Variants in CSRNP1 observed in about 807,000 individuals in gnomAD.
CSRNP1 encodes cysteine/serine-rich nuclear protein 1.
In CSRNP1, 8 loss-of-function variants were observed where a neutral mutation model predicts 25.0. That is an observed-to-expected ratio of 0.32 (90% CI 0.19 to 0.58). The LOEUF is 0.58. Among genes scored for constraint, CSRNP1 ranks in the 20% least tolerant of loss-of-function variants. The probability of loss-of-function intolerance (pLI) is 0.88; values close to 1 mark genes in which losing one functional copy is unlikely to be tolerated. For synonymous variants in CSRNP1, 305 were observed against 303.1 expected (o/e 1.01, Z -0.06); for missense variants, 691 against 773.1 (o/e 0.89, Z 1.26).
chr3:39,154,069 C>A (rs1352238674), upstream of CSRNP1: 7 of 152,096 alleles, frequency 4.6e-5, no homozygotes, highest in African/African-American at 1.7e-4. Context: ...AAAGTTCCCC[C>A]CTCCGCCCCC....
rs1016927949 is a variant in CSRNP1 at position 39,144,846 on chromosome 3, G to A, written c.465+151C>T. 6.2e-6 allele frequency: 6 copies of A among 964,850 alleles called. No individual in the cohort carries two copies. The African/African-American group carries it at 9.9e-5, about 16-fold the overall frequency. 59.8% of individuals were successfully genotyped at this position (964,850 alleles called of 1,614,324 possible). On this transcript the variant is annotated intron_variant, in intron 3 of 4. Coordinates refer to ENST00000273153, the MANE Select transcript of CSRNP1 (RefSeq NM_033027.4). The stretch of plus-strand genomic sequence containing the variant: ...CCTGTTGCAGACAACCCAGGCAACA[G>A]GCTCCAATCAAGCCAATCACCAGGC...
chr3:39,142,929 G>T lies in CSRNP1; in HGVS notation c.*126C>A. ...ATCCAGAGAATTGTTTGAAAACCAGGAGTGTGCACATGGCACCTGTGGGTG... is the reference window on the plus strand; with the variant it reads ...ATCCAGAGAATTGTTTGAAAACCAGTAGTGTGCACATGGCACCTGTGGGTG... On this transcript the variant is annotated 3_prime_UTR_variant, in exon 5 of 5. Coordinates refer to ENST00000273153, the MANE Select transcript of CSRNP1 (RefSeq NM_033027.4). The T allele has an allele frequency of 9.7e-7, 1 of 1,028,276 alleles. No individual in the cohort carries two copies. 63.7% of individuals were successfully genotyped at this position (1,028,276 alleles called of 1,614,324 possible).
chr3:39,153,478 C>A lies in CSRNP1; in HGVS notation c.-81G>T. On this transcript the variant is annotated 5_prime_UTR_variant, in exon 1 of 5. Transcript: ENST00000273153. ...TCGCGGAGGACAACGACGCGACCCGCGTCCCGGCCGGGGACGCCCCCTGCG... is the reference window on the plus strand; with the variant it reads ...TCGCGGAGGACAACGACGCGACCCGAGTCCCGGCCGGGGACGCCCCCTGCG... The A allele has an allele frequency of 3.1e-6, 1 of 318,114 alleles. No individual in the cohort carries two copies. Among genetic ancestry groups the A allele is most frequent in the Non-Finnish European group, 6.6e-6 (1 of 151,248 alleles). 19.7% of individuals were successfully genotyped at this position (318,114 alleles called of 1,614,324 possible). A position where few individuals can be genotyped will look rare whatever the true frequency, so the allele number is the denominator to read the frequency against.
In CSRNP1 at chr3:39,143,113, A is replaced by G. The variant is rs2039436475; in HGVS notation, c.1712T>C (p.Ile571Thr). 1 of 1,612,426 alleles carries G rather than the reference A, an allele frequency of 6.2e-7. No individual in the cohort carries two copies. The highest frequency in any genetic ancestry group is 1.3e-5 in the African/African-American group (1 of 75,008). Reference sequence around the variant, plus strand: ...GACAGTGTCCTCAAACTGGCTGTCAATAAAGGGATCTAGGGCTTCGGCGGC... The same window carrying G: ...GACAGTGTCCTCAAACTGGCTGTCAGTAAAGGGATCTAGGGCTTCGGCGGC... The part of the protein sequence containing the change: ...EPAAEALDPF[I>T]DSQFEDTVPA... Residue 571 changes from isoleucine (I) to threonine (T), a missense_variant, in exon 5 of 5, where the codon ATT becomes ACT. Physicochemically the swap from Ile to Thr is moderately conservative, Grantham distance 89. Transcript: ENST00000273153.
In CSRNP1 at chr3:39,144,470, G is replaced by A. The variant is rs2039476858; in HGVS notation, c.466-19C>T. On this transcript the variant is annotated intron_variant, in intron 3 of 4. Transcript: ENST00000273153. The stretch of plus-strand genomic sequence containing the variant: ...CCGAAAGCTGCATCCACAGGAAAGA[G>A]GGATGTAAGAAGCACAGACATGGAC... 6.3e-7 allele frequency: 1 copy of A among 1,584,642 alleles called. No homozygotes were observed. Among genetic ancestry groups the A allele is most frequent in the Admixed American group, 1.7e-5 (1 of 59,218 alleles).
Position 39,145,279 on chromosome 3 carries a change from C to G in CSRNP1, c.206-23G>C, listed in dbSNP as rs6763708. 209 of 1,543,582 alleles carry G rather than the reference C, an allele frequency of 1.4e-4. No homozygotes were observed. The African/African-American group carries it at 2.6e-3, about 19-fold the overall frequency. ...GGGCTAGAAAGCAGGCAAAGATGGG[C>G]TGGGGATTAGTTTTCAGTGAGGCAC... On this transcript the variant is annotated intron_variant, in intron 2 of 4. Transcript: ENST00000273153.
intron 1 of CSRNP1, chr3:39,148,569 A>G (rs1372711260): frequency 6.6e-6 from 1 of 152,248 alleles, no homozygotes; most frequent in African/African-American, 2.4e-5. Context: ...CCCTAGAAAC[A>G]TAAAATTCTG....
In CSRNP1 at chr3:39,143,761, G is replaced by C. The variant is rs1265818015; in HGVS notation, c.1064C>G (p.Ser355Cys). Reference protein sequence around the residue: ...DNSCSSDMTDSSTASSSASGT... With the variant: ...DNSCSSDMTDCSTASSSASGT... ...CGATGCTGATGAAGATGCTGTAGAA[G>C]AATCAGTCATGTCGCTGCTGCAGCT... Residue 355 changes from serine to cysteine, a missense_variant, in exon 5 of 5, where the codon TCT (serine) becomes TGT (cysteine). Coordinates refer to ENST00000273153, the MANE Select transcript of CSRNP1 (RefSeq NM_033027.4). 12 of 1,614,126 alleles carry C rather than the reference G, an allele frequency of 7.4e-6. No homozygotes were observed. Among genetic ancestry groups the C allele is most frequent in the Admixed American group, 1.7e-5 (1 of 60,014 alleles).
At chr3:39,149,752 C>G (rs1175049427) in intron 1 of CSRNP1, 1 of 152,354 alleles carries the variant, frequency 6.6e-6, no homozygotes, top group Non-Finnish European at 1.5e-5. Context: ...TGGCAGTTCC[C>G]GTAATGGCCA....
chr3:39,146,477 C>T lies in CSRNP1; in HGVS notation c.205+1G>A, dbSNP rs62622811. On this transcript the variant is annotated splice_donor_variant, in intron 2 of 4. Coordinates refer to ENST00000273153, the MANE Select transcript of CSRNP1 (RefSeq NM_033027.4). LOFTEE classifies it high-confidence loss of function. ...GAGTTCCCAGGGGAGGGAGTACTCA[C>T]GGGTGAAACTTCTGGGGCCGCAGAA... 3 of 1,537,362 alleles carry T rather than the reference C, an allele frequency of 2.0e-6. No homozygotes were observed. The highest frequency in any genetic ancestry group is 2.6e-6 in the Non-Finnish European group (3 of 1,139,314).
At chr3:39,144,565 T>C in intron 3 of CSRNP1, 114 bp from the exon 4 acceptor site, 1 of 1,032,716 alleles carries the variant, frequency 9.7e-7, no homozygotes, top group Non-Finnish European at 1.4e-6. Context: ...TCGTGCTTAA[T>C]CTGCGATGGG....
At position 39,143,132 on chromosome 3, in the gene CSRNP1, C is replaced by T. The variant is rs1195460382; in HGVS notation, c.1693G>A (p.Glu565Lys). The T allele has an allele frequency of 1.2e-5, 20 of 1,613,816 alleles. No individual in the cohort carries two copies. The highest frequency in any genetic ancestry group is 1.6e-4 in the Middle Eastern group (1 of 6,082). Residue 565 changes from glutamate (E) to lysine (K), a missense_variant, in exon 5 of 5, where the codon GAA becomes AAA. Coordinates refer to ENST00000273153, the MANE Select transcript of CSRNP1 (RefSeq NM_033027.4). ...CTGTCAATAAAGGGATCTAGGGCTT[C>T]GGCGGCTGGCTCGGAGAAGCCCATG... ...SLMGFSEPAA[E>K]ALDPFIDSQF...
Position 39,143,019 on chromosome 3 carries a change from C to T in CSRNP1, c.*36G>A, listed in dbSNP as rs111692560. ...CCCCATAATTACAAGAAAGCAGCAA[C>T]AGGTCTCTTGGGGCTGGGAAAAGAC... On this transcript the variant is annotated 3_prime_UTR_variant, in exon 5 of 5. Transcript: ENST00000273153. 6.6e-7 allele frequency: 1 copy of T among 1,523,916 alleles called. No individual in the cohort carries two copies. Among genetic ancestry groups the T allele is most frequent in the Non-Finnish European group, 8.8e-7 (1 of 1,136,550 alleles). 94.4% of individuals were successfully genotyped at this position (1,523,916 alleles called of 1,614,324 possible).
rs1181089321 is a variant in CSRNP1 at position 39,143,068 on chromosome 3, G to A, written c.1757C>T (p.Pro586Leu). The A allele has an allele frequency of 6.3e-7, 1 of 1,582,842 alleles. No individual in the cohort carries two copies. Among genetic ancestry groups the A allele is most frequent in the African/African-American group, 1.4e-5 (1 of 73,966 alleles). ...ACATCCTGGTCCTCACACCGGCACA[G>A]GCTCCATTAGAGATGCTGGGACAGT... The part of the protein sequence containing the change: ...EDTVPASLME[P>L]VPV The change falls in exon 5 of 5, where the codon CCT (proline) becomes CTT (leucine). Residue 586 changes from proline to leucine, a missense_variant. Pro to Leu is a moderately conservative substitution (Grantham distance 98). Transcript: ENST00000273153.
At chr3:39,144,596 A>C in intron 3 of CSRNP1, 145 bp from the exon 4 acceptor site, 1 of 803,472 alleles carries the variant, frequency 1.2e-6, no homozygotes, top group East Asian at 2.7e-5. Context: ...CAGACAGTGA[A>C]CAGGACAGCC....
intron 2 of CSRNP1, among the ~76,000 whole-genome samples, chr3:39,145,603 G>C (rs2039498100): frequency 6.6e-6 from 1 of 152,202 alleles, no homozygotes; most frequent in Non-Finnish European, 1.5e-5. Context: ...TTTGCAACAG[G>C]CTTAAAAAGG....
chr3:39,143,120 G>T lies in CSRNP1; in HGVS notation c.1705C>A (p.Pro569Thr), dbSNP rs2039436581. 6.2e-7 allele frequency: 1 copy of T among 1,613,662 alleles called. No individual in the cohort carries two copies. The highest frequency in any genetic ancestry group is 1.3e-5 in the African/African-American group (1 of 74,934). The change falls in exon 5 of 5, where the codon CCC becomes ACC. Residue 569 changes from proline (P) to threonine (T), a missense_variant. Transcript: ENST00000273153. Reference protein sequence around the residue: ...FSEPAAEALDPFIDSQFEDTV... With the variant: ...FSEPAAEALDTFIDSQFEDTV... Reference sequence around the variant, plus strand: ...TCCTCAAACTGGCTGTCAATAAAGGGATCTAGGGCTTCGGCGGCTGGCTCG... The same window carrying T: ...TCCTCAAACTGGCTGTCAATAAAGGTATCTAGGGCTTCGGCGGCTGGCTCG...
intron 2 of CSRNP1, among the ~76,000 whole-genome samples, chr3:39,146,175 G>A (rs996703025): frequency 2.6e-5 from 4 of 152,166 alleles, no homozygotes; most frequent in African/African-American, 4.8e-5. Context: ...TTTGTAGGAC[G>A]GTAGGGTGCT....
chr3:39,147,248 T>C (rs1163889528), intron 1 of CSRNP1, among the ~76,000 whole-genome samples: 1 of 151,882 alleles, frequency 6.6e-6, no homozygotes, highest in East Asian at 1.9e-4. Context: ...TGTGTGTGTG[T>C]GTACGCCCTA....
Sources: allele counts gnomAD v4.1 joint callset (sites outside exome capture counted in the v4.1 genomes callset), GRCh38; gene constraint gnomAD v4.1.1; transcripts MANE v1.5; gene names NCBI Gene and HGNC (gene_info 2026-07-23, HGNC 2026-07-21).